The following XKR4 variants were observed in gnomAD, a reference collection of about 807,000 sequenced individuals.
XKR4 encodes XK-related protein 4.
XKR4 carries 12 observed loss-of-function variants against 53.9 expected under a neutral mutation model. The observed-to-expected ratio is 0.22, with a 90% CI of 0.14 to 0.36. The LOEUF (loss-of-function observed/expected upper bound fraction) is 0.36. Ranked by LOEUF, XKR4 falls within the 10% of genes least tolerant of loss-of-function variation. The probability of loss-of-function intolerance (pLI) is 1.00; values close to 1 mark genes in which losing one functional copy is unlikely to be tolerated. For synonymous variants in XKR4, 354 were observed against 362.4 expected, an observed-to-expected ratio of 0.98 and a Z score of 0.26; for missense variants, 799 against 859.5, an observed-to-expected ratio of 0.93 and a Z score of 0.88.
rs1483195229 is a variant in XKR4, at chr8:55,541,608, A to G, written c.*17381A>G. The G allele has an allele frequency of 6.6e-6, 1 of 152,192 alleles. No individual in the cohort carries two copies. The highest frequency in any genetic ancestry group is 1.5e-5 in the Non-Finnish European group (1 of 68,034). The allele number at this position is 152,192 out of a possible 1,614,324, so 9.4% of individuals were successfully genotyped here. Reference sequence around the variant, plus strand: ...CGAGTGTGCGTAGGGAACGGTGTAGACATTTCCCCCAGTATGAGCACAGTG... The same window carrying G: ...CGAGTGTGCGTAGGGAACGGTGTAGGCATTTCCCCCAGTATGAGCACAGTG... On this transcript the variant is annotated 3_prime_UTR_variant, in exon 3 of 3. Coordinates refer to ENST00000327381, the MANE Select transcript of XKR4 (RefSeq NM_052898.2).
intron 2 of XKR4, among the ~76,000 whole-genome samples, chr8:55,442,926 G>C (rs1228610141): frequency 6.6e-6 from 1 of 152,128 alleles, no homozygotes; most frequent in Non-Finnish European, 1.5e-5. Flanking sequence ...CTTTAAATAG[G>C]TGAATGTAAT....
intron 1 of XKR4, among the ~76,000 whole-genome samples, chr8:55,180,712 T>A (rs1817299003): frequency 6.6e-6 from 1 of 152,136 alleles, no homozygotes; most frequent in Admixed American, 6.5e-5. Context: ...TTTGTATTTT[T>A]AGTAGAGACG....
intron 2 of XKR4, among the ~76,000 whole-genome samples, chr8:55,442,588 T>C (rs1424572509): frequency 6.6e-6 from 1 of 152,250 alleles, no homozygotes. Flanking sequence ...ATCTGTGGAT[T>C]GATGAGTGAA....
chr8:55,396,792 T>C (rs1340040939), intron 2 of XKR4, among the ~76,000 whole-genome samples: 2 of 152,230 alleles, frequency 1.3e-5, no homozygotes, highest in African/African-American at 4.8e-5. Flanking sequence ...GGCTTAACAG[T>C]ACTTTAAAAA....
At chr8:55,238,822 T>C (rs556657799) in intron 1 of XKR4, among the ~76,000 whole-genome samples, 2 of 152,332 alleles carry the variant, frequency 1.3e-5, no homozygotes, top group African/African-American at 4.8e-5. Context: ...CATCCATCCA[T>C]GTTAGCAACA....
chr8:55,116,109 A>AT (rs2129351474), intron 1 of XKR4, among the ~76,000 whole-genome samples: 1 of 152,106 alleles, frequency 6.6e-6, no homozygotes, highest in East Asian at 1.9e-4. Flanking sequence ...TTATTTTTAT[A>AT]TTTTTCTGAA....
chr8:55,161,145 G>A (rs1002675665), intron 1 of XKR4, among the ~76,000 whole-genome samples: 2 of 152,156 alleles, frequency 1.3e-5, no homozygotes, highest in African/African-American at 4.8e-5. Context: ...TGGTGGCTCT[G>A]AATGTGGGCT....
At chr8:55,349,549 T>C (rs1803698493) in intron 1 of XKR4, among the ~76,000 whole-genome samples, 1 of 152,208 alleles carries the variant, frequency 6.6e-6, no homozygotes, top group Non-Finnish European at 1.5e-5. Context: ...TTGTCAGTGA[T>C]TTTGTTACCA....
At chr8:55,240,611 C>A (rs2129368191) in intron 1 of XKR4, among the ~76,000 whole-genome samples, 1 of 152,176 alleles carries the variant, frequency 6.6e-6, no homozygotes, top group East Asian at 1.9e-4. Flanking sequence ...GAAAATAAAC[C>A]TTATTTTCCC....
chr8:55,263,487 T>A (rs1818556876), intron 1 of XKR4, among the ~76,000 whole-genome samples: 1 of 152,200 alleles, frequency 6.6e-6, no homozygotes, highest in African/African-American at 2.4e-5. Context: ...CTTCTAGGGA[T>A]AAAGGCAGAA....
At chr8:55,154,702 C>T (rs970210780) in intron 1 of XKR4, among the ~76,000 whole-genome samples, 2 of 152,160 alleles carry the variant, frequency 1.3e-5, no homozygotes, top group Admixed American at 6.5e-5. Context: ...CTATTTATCA[C>T]AACCCTGCAC....
In XKR4 at chr8:55,537,626, T is replaced by C. The variant is rs1470383010; in HGVS notation, c.*13399T>C. 1 of 152,204 alleles carries C rather than the reference T, an allele frequency of 6.6e-6. No homozygotes were observed. Among genetic ancestry groups the C allele is most frequent in the East Asian group, 1.9e-4 (1 of 5,204 alleles). The allele number at this position is 152,204 out of a possible 1,614,324, so 9.4% of individuals were successfully genotyped here. A position where few individuals can be genotyped will look rare whatever the true frequency, so the allele number is the denominator to read the frequency against. ...TGAAGATTTGTAGGTAGGGTTTTGA[T>C]TGTGTCACATTCTACACTCAGTGCC... On this transcript the variant is annotated 3_prime_UTR_variant, in exon 3 of 3. Transcript: ENST00000327381.
chr8:55,490,191 G>A (rs531848936), intron 2 of XKR4, among the ~76,000 whole-genome samples: 1 of 152,194 alleles, frequency 6.6e-6, no homozygotes, highest in South Asian at 2.1e-4. Flanking sequence ...AATCTATGGT[G>A]ACCTAGGTAA....
At chr8:55,184,869 A>G (rs1292297906) in intron 1 of XKR4, among the ~76,000 whole-genome samples, 1 of 152,168 alleles carries the variant, frequency 6.6e-6, no homozygotes, top group African/African-American at 2.4e-5. Flanking sequence ...TTAAGGCTAA[A>G]TAATTATTAG....
In XKR4 at chr8:55,452,965, C is replaced by G. The variant is rs954056304; in HGVS notation, c.1007-70316C>G. 7 of 741,836 alleles carry G rather than the reference C, an allele frequency of 9.4e-6. No individual in the cohort carries two copies. The Admixed American group carries it at 1.2e-4, about 13-fold the overall frequency. 46.0% of individuals were successfully genotyped at this position (741,836 alleles called of 1,614,324 possible). A position where few individuals can be genotyped will look rare whatever the true frequency, so the allele number is the denominator to read the frequency against. ...TGCATCAGCTCCTGCTGCTTCTCAC[C>G]GCTCAGGGATGGCCACAGGCACCAC... On this transcript the variant is annotated intron_variant, in intron 2 of 2. Transcript: ENST00000327381.
rs1806961254 is a variant in XKR4, at chr8:55,532,082, G to A, written c.*7855G>A. 1 of 152,162 alleles carries A rather than the reference G, an allele frequency of 6.6e-6. No homozygotes were observed. Among genetic ancestry groups the A allele is most frequent in the Non-Finnish European group, 1.5e-5 (1 of 68,030 alleles). 9.4% of individuals were successfully genotyped at this position (152,162 alleles called of 1,614,324 possible). Reference sequence around the variant, plus strand: ...CTTGTATAACTAATTTTCCTTATGTGAAATAATTCTGGTCAGGGAATATAT... The same window carrying A: ...CTTGTATAACTAATTTTCCTTATGTAAAATAATTCTGGTCAGGGAATATAT... On this transcript the variant is annotated 3_prime_UTR_variant, in exon 3 of 3. Transcript: ENST00000327381.
At chr8:55,412,465 C>A (rs958145443) in intron 2 of XKR4, among the ~76,000 whole-genome samples, 2 of 152,142 alleles carry the variant, frequency 1.3e-5, no homozygotes, top group African/African-American at 2.4e-5. Flanking sequence ...TCAAGGCTGA[C>A]ATCCAGGGTC....
intron 2 of XKR4, among the ~76,000 whole-genome samples, chr8:55,499,824 T>A (rs1190789902): frequency 6.6e-6 from 1 of 152,226 alleles, no homozygotes; most frequent in Non-Finnish European, 1.5e-5. Context: ...GATTTTGCTT[T>A]GTTTTGTTTG....
Position 55,346,546 on chromosome 8 carries a change from T to C in XKR4, c.807-11132T>C, listed in dbSNP as rs143433288. On this transcript the variant is annotated intron_variant, in intron 1 of 2. Coordinates refer to ENST00000327381, the MANE Select transcript of XKR4 (RefSeq NM_052898.2). ...ATTGTTACTATTATTCACCACAGAATGGAGAAGGCAGAAGCCTAATATCCT... is the reference window on the plus strand; with the variant it reads ...ATTGTTACTATTATTCACCACAGAACGGAGAAGGCAGAAGCCTAATATCCT... 3.5e-3 allele frequency among the ~76,000 whole-genome samples: 528 copies of C among 152,336 alleles called. 4 individuals are homozygous for C. Among genetic ancestry groups the C allele is most frequent in the Non-Finnish European group, 4.0e-3 (271 of 68,030 alleles).
Sources: allele counts gnomAD v4.1 joint callset (sites outside exome capture counted in the v4.1 genomes callset), GRCh38; gene constraint gnomAD v4.1.1; transcripts MANE v1.5; gene names NCBI Gene and HGNC (gene_info 2026-07-23, HGNC 2026-07-21).